The following PCDHGB1 variants were observed in gnomAD, a reference collection of about 807,000 sequenced individuals.
The protein encoded by PCDHGB1 is protocadherin gamma-B1.
PCDHGB1 carries 34 observed loss-of-function variants against 56.6 expected under a neutral mutation model. The observed-to-expected ratio is 0.60, with a 90% CI of 0.46 to 0.80. PCDHGB1 has a LOEUF of 0.80. PCDHGB1 is among the 30% of genes least tolerant of loss of function. PCDHGB1 has a pLI of 0.00. For missense variants in PCDHGB1, 1,278 were observed against 1,204.6 expected (o/e 1.06, Z -0.90); for synonymous variants, 561 against 505.9 (o/e 1.11, Z -1.46).
chr5:141,488,656 G>A (rs2099678001), intron 1 of PCDHGB1, among the ~76,000 whole-genome samples: 1 of 152,200 alleles, frequency 6.6e-6, no homozygotes, highest in African/African-American at 2.4e-5. Flanking sequence ...ATGGGGGAGG[G>A]TGGGGGAATA....
chr5:141,377,469 A>G (rs6896353), intron 1 of PCDHGB1: 23,351 of 151,970 alleles, frequency 0.15, 2,565 homozygotes, highest in African/African-American at 0.32. Context: ...TGTGGCGTAC[A>G]CCTGTAGTCC....
intron 1 of PCDHGB1, chr5:141,388,503 TC>T (rs1405490200): frequency 6.2e-7 from 1 of 1,613,782 alleles, no homozygotes; most frequent in Admixed American, 1.7e-5. Context: ...AAAGCAGAAA[TC>T]CTACCACTTG....
Position 141,351,539 on chromosome 5 carries a change from GC to G in PCDHGB1, c.1282del (p.Leu428PhefsTer43). The G allele has an allele frequency of 6.2e-7, 1 of 1,614,024 alleles. No individual in the cohort carries two copies. The highest frequency in any genetic ancestry group is 8.5e-7 in the Non-Finnish European group (1 of 1,179,898). ...TIIATDKGKP[A>X]LSSRTSITLH... is the part of the protein sequence containing the mutation. ...CATAGCCACCGACAAGGGCAAACCAGCCCTTTCCTCCAGGACAAGCATCACC... is the reference window on the plus strand; with the variant it reads ...CATAGCCACCGACAAGGGCAAACCAGCCTTTCCTCCAGGACAAGCATCACC... On this transcript the variant is annotated frameshift_variant, in exon 1 of 4. Coordinates refer to ENST00000523390, the MANE Select transcript of PCDHGB1 (RefSeq NM_018922.3). LOFTEE classifies it high-confidence loss of function.
rs979645454 is a variant in PCDHGB1 at position 141,364,198 on chromosome 5, C to T, written c.2409+11529C>T. 3.6e-6 allele frequency: 4 copies of T among 1,108,464 alleles called. No individual in the cohort carries two copies. In the African/African-American group the frequency reaches 4.8e-5, roughly 13 times the overall value. 68.7% of individuals were successfully genotyped at this position (1,108,464 alleles called of 1,614,324 possible). ...GCTCCCTCCATACTAAACACACAGACCAGACAAGCTCCTACGAAAAGCCAA... is the reference window on the plus strand; with the variant it reads ...GCTCCCTCCATACTAAACACACAGATCAGACAAGCTCCTACGAAAAGCCAA... On this transcript the variant is annotated intron_variant, in intron 1 of 3. Transcript: ENST00000523390.
Position 141,422,522 on chromosome 5 carries a change from C to T in PCDHGB1, c.2409+69853C>T, listed in dbSNP as rs767482856. On this transcript the variant is annotated intron_variant, in intron 1 of 3. Coordinates refer to ENST00000523390, the MANE Select transcript of PCDHGB1 (RefSeq NM_018922.3). Reference sequence around the variant, plus strand: ...ACAGCCACAGACCAGGGAAGCCCGCCTTTGTCTGCAGAAACTCATGTCTGG... The same window carrying T: ...ACAGCCACAGACCAGGGAAGCCCGCTTTTGTCTGCAGAAACTCATGTCTGG... 11 of 1,614,014 alleles carry T rather than the reference C, an allele frequency of 6.8e-6. No homozygotes were observed. In the South Asian group the frequency reaches 1.1e-4, roughly 16 times the overall value.
intron 1 of PCDHGB1, chr5:141,475,983 C>A: frequency 9.5e-7 from 1 of 1,049,244 alleles, no homozygotes; most frequent in Non-Finnish European, 1.4e-6. Context: ...GAACAGCCGG[C>A]GAGCAAATCA....
chr5:141,483,501 G>A (rs1022338958), intron 1 of PCDHGB1, among the ~76,000 whole-genome samples: 2 of 150,394 alleles, frequency 1.3e-5, no homozygotes, highest in Admixed American at 1.3e-4. Context: ...ATGAGTCAAG[G>A]CTGATCCCCC....
intron 1 of PCDHGB1, chr5:141,394,390 G>A (rs758609540): frequency 2.5e-6 from 4 of 1,614,100 alleles, no homozygotes; most frequent in South Asian, 2.2e-5. Flanking sequence ...GAGCAGATCC[G>A]AGACCTGCAG....
intron 1 of PCDHGB1, among the ~76,000 whole-genome samples, chr5:141,438,223 CA>C: frequency 6.6e-6 from 1 of 151,912 alleles, no homozygotes; most frequent in Non-Finnish European, 1.5e-5. Context: ...GGCTCTGGTT[CA>C]GGAAAATGTT....
intron 1 of PCDHGB1, chr5:141,399,866 C>G (rs1312435366): frequency 1.1e-5 from 17 of 1,612,854 alleles, no homozygotes; most frequent in Non-Finnish European, 1.4e-5. Context: ...GCTGCAGAGC[C>G]CGGCTACCTG....
intron 1 of PCDHGB1, among the ~76,000 whole-genome samples, chr5:141,380,766 T>C (rs1403335185): frequency 1.3e-5 from 2 of 152,224 alleles, no homozygotes; most frequent in Admixed American, 1.3e-4. Context: ...TATAAATTAA[T>C]TGAGACTTTT....
At chr5:141,358,884 G>A (rs961371418) in intron 1 of PCDHGB1, among the ~76,000 whole-genome samples, 5 of 152,090 alleles carry the variant, frequency 3.3e-5, no homozygotes, top group Admixed American at 3.3e-4. Flanking sequence ...TGTGGCTCTG[G>A]GATTATTTTA....
chr5:141,433,050 G>A, intron 1 of PCDHGB1: 2 of 1,614,142 alleles, frequency 1.2e-6, no homozygotes, highest in Non-Finnish European at 1.7e-6. Context: ...ACGGACTCGC[G>A]GAAGAGTCAC....
At position 141,408,408 on chromosome 5, in the gene PCDHGB1, G is replaced by A. The variant is rs376957467; in HGVS notation, c.2409+55739G>A. On this transcript the variant is annotated intron_variant, in intron 1 of 3. Coordinates refer to ENST00000523390, the MANE Select transcript of PCDHGB1 (RefSeq NM_018922.3). The stretch of plus-strand genomic sequence containing the variant: ...GTGTCGGCTCGCAAGCTGCGAGTGA[G>A]CGCGGAGAAGCTGCACTTCAGCGTA... 5 of 1,614,080 alleles carry A rather than the reference G, an allele frequency of 3.1e-6. No homozygotes were observed. The Admixed American group carries it at 5.0e-5, about 16-fold the overall frequency.
intron 1 of PCDHGB1, chr5:141,428,269 C>T (rs1326212294): frequency 1.3e-6 from 1 of 777,738 alleles, no homozygotes; most frequent in Non-Finnish European, 2.2e-6. Flanking sequence ...CAGTCCTGTG[C>T]CCTCTGATTC....
At position 141,489,397 on chromosome 5, in the gene PCDHGB1, G is replaced by A. The variant is rs1307106048; in HGVS notation, c.2410-5410G>A. 2.5e-6 allele frequency: 4 copies of A among 1,614,058 alleles called. No homozygotes were observed. The highest frequency in any genetic ancestry group is 2.7e-5 in the African/African-American group (2 of 74,914). ...GGTGGGGAATGTTGCTCAGGATCTG[G>A]GCTTAAAGATGACAGATCTGTTGAG... On this transcript the variant is annotated intron_variant, in intron 1 of 3. Transcript: ENST00000523390. This position sits in a 1 kb window ranked among gnomAD's most constrained non-coding sequence, Gnocchi z 4.5.
In PCDHGB1 at chr5:141,372,716, T is replaced by C. The variant is rs1305256970; in HGVS notation, c.2409+20047T>C. The C allele has an allele frequency of 1.9e-6, 3 of 1,613,946 alleles. No homozygotes were observed. The East Asian group carries it at 6.7e-5, about 36-fold the overall frequency. ...AATTTCTCAATATAAAGGCTGAAAATGCTGCACCACAAGATCTTCTATGTG... is the reference window on the plus strand; with the variant it reads ...AATTTCTCAATATAAAGGCTGAAAACGCTGCACCACAAGATCTTCTATGTG... On this transcript the variant is annotated intron_variant, in intron 1 of 3. Coordinates refer to ENST00000523390, the MANE Select transcript of PCDHGB1 (RefSeq NM_018922.3).
chr5:141,487,623 C>T lies in PCDHGB1; in HGVS notation c.2410-7184C>T, dbSNP rs2099654624. On this transcript the variant is annotated intron_variant, in intron 1 of 3. Coordinates refer to ENST00000523390, the MANE Select transcript of PCDHGB1 (RefSeq NM_018922.3). This position sits in a 1 kb window ranked among gnomAD's most constrained non-coding sequence, Gnocchi z 5.0. The stretch of plus-strand genomic sequence containing the variant: ...CTTCTCTATGGGCTAGAGGTGAGAC[C>T]TTTGCAGGCTCAACAAATGCTTGAG... 6.2e-7 allele frequency: 1 copy of T among 1,614,088 alleles called. No individual in the cohort carries two copies. The highest frequency in any genetic ancestry group is 1.3e-5 in the African/African-American group (1 of 74,930).
intron 1 of PCDHGB1, chr5:141,410,843 C>CTT: frequency 4.6e-6 from 1 of 216,280 alleles, no homozygotes; most frequent in South Asian, 8.0e-5. Flanking sequence ...GATATTTTGT[C>CTT]TTTGTCTTTT....
Sources: gnomAD v4.1 joint callset for allele counts (sites outside exome capture counted in the v4.1 genomes callset) on GRCh38, gnomAD v4.1.1 for gene constraint, Gnocchi (gnomAD v3.1) non-coding constraint, MANE v1.5 for transcripts, NCBI Gene and HGNC (gene_info 2026-07-23, HGNC 2026-07-21) for gene names.